TRIM24: variants seen among roughly 807,000 people sequenced by gnomAD.
TRIM24 encodes the protein transcription intermediary factor 1-alpha.
TRIM24 carries 29 observed loss-of-function variants against 123.9 expected under a neutral mutation model. That is an observed-to-expected ratio of 0.23 (90% CI 0.17 to 0.32). TRIM24 has a LOEUF of 0.32. Ranked by LOEUF, TRIM24 falls within the 10% of genes least tolerant of loss-of-function variation. The pLI is 1.00. For synonymous variants in TRIM24, 456 were observed against 461.1 expected (o/e 0.99, Z 0.14); for missense variants, 932 against 1,295.3 (o/e 0.72, Z 4.31).
At chr7:138,531,788 G>A (rs180822318) in intron 6 of TRIM24, among the ~76,000 whole-genome samples, 534 of 152,280 alleles carry the variant, frequency 3.5e-3, no homozygotes, top group African/African-American at 0.012. Flanking sequence ...TTGAGGAATC[G>A]CCACGCTGTC....
chr7:138,515,976 A>G (rs765658737), intron 3 of TRIM24, among the ~76,000 whole-genome samples: 10 of 152,112 alleles, frequency 6.6e-5, no homozygotes, highest in South Asian at 4.1e-4. Flanking sequence ...TATCACCCCA[A>G]TCAGCATCTT....
intron 1 of TRIM24, among the ~76,000 whole-genome samples, chr7:138,482,148 A>G (rs145421731): frequency 7.9e-5 from 12 of 152,100 alleles, no homozygotes; most frequent in African/African-American, 2.2e-4. Flanking sequence ...GGGTCTTGCT[A>G]TGTTGCCCAA....
intron 5 of TRIM24, among the ~76,000 whole-genome samples, chr7:138,527,629 T>G (rs892650404): frequency 6.6e-6 from 1 of 152,186 alleles, no homozygotes; most frequent in Non-Finnish European, 1.5e-5. Flanking sequence ...CTCTGCCAGT[T>G]TGGTCTTGAG....
rs1421076287 is a variant in TRIM24 at position 138,515,313 on chromosome 7, G to A, written c.585G>A (p.Lys195=). The A allele has an allele frequency of 6.2e-7, 1 of 1,613,978 alleles. No homozygotes were observed. The highest frequency in any genetic ancestry group is 1.3e-5 in the African/African-American group (1 of 74,940). Residue 195 remains lysine, a synonymous_variant, in exon 3 of 19, where the codon AAG becomes AAA. Coordinates refer to ENST00000343526, the MANE Select transcript of TRIM24 (RefSeq NM_015905.3). The part of the protein sequence containing the change: ...KTCIRAHQRV[K]FTKDHTVRQK... ...GTATCAGAGCTCATCAGAGGGTAAA[G>A]TTCACAAAAGACCACACTGTCAGAC...
intron 11 of TRIM24, among the ~76,000 whole-genome samples, chr7:138,572,947 G>A (rs189032148): frequency 8.1e-4 from 123 of 152,334 alleles, no homozygotes; most frequent in Non-Finnish European, 1.4e-3. Context: ...CAACAGTAAT[G>A]TATTCAGTGA....
intron 6 of TRIM24, among the ~76,000 whole-genome samples, chr7:138,536,238 G>T (rs891548331): frequency 6.6e-6 from 1 of 152,188 alleles, no homozygotes; most frequent in African/African-American, 2.4e-5. Flanking sequence ...TCTCTGTCCA[G>T]CTTTGTTCCG....
intron 1 of TRIM24, among the ~76,000 whole-genome samples, chr7:138,480,016 G>A (rs1314617839): frequency 6.8e-6 from 1 of 147,850 alleles, no homozygotes; most frequent in Non-Finnish European, 1.5e-5. Context: ...ACAGGGTTTC[G>A]CCATGTTGGC....
intron 6 of TRIM24, among the ~76,000 whole-genome samples, chr7:138,536,705 A>T (rs927192243): frequency 2.6e-5 from 4 of 152,146 alleles, no homozygotes; most frequent in Non-Finnish European, 5.9e-5. Flanking sequence ...TGAGATCTCA[A>T]ACTCCGTGCT....
intron 1 of TRIM24, among the ~76,000 whole-genome samples, chr7:138,494,650 T>C (rs1196145742): frequency 6.6e-6 from 1 of 152,054 alleles, no homozygotes; most frequent in African/African-American, 2.4e-5. Flanking sequence ...CAACTAAAAC[T>C]ATACCAATAT....
chr7:138,462,872 A>T (rs573056987), intron 1 of TRIM24, among the ~76,000 whole-genome samples: 3,418 of 144,008 alleles, frequency 0.024, 57 homozygotes, highest in South Asian at 0.058. Context: ...TTATTTATTT[A>T]TTTATTTTTT....
At chr7:138,507,752 A>G (rs1796181982) in intron 2 of TRIM24, among the ~76,000 whole-genome samples, 2 of 152,162 alleles carry the variant, frequency 1.3e-5, no homozygotes, top group South Asian at 4.1e-4. Context: ...CTGAGCGAAT[A>G]AATGAATGAA....
At chr7:138,527,179 C>T (rs897676816) in intron 5 of TRIM24, among the ~76,000 whole-genome samples, 1 of 152,068 alleles carries the variant, frequency 6.6e-6, no homozygotes, top group African/African-American at 2.4e-5. Context: ...TTTCTCATTG[C>T]TAGTACTTCA....
chr7:138,514,348 TG>T (rs1397438333), intron 2 of TRIM24: 1 of 152,226 alleles, frequency 6.6e-6, no homozygotes, highest in East Asian at 1.9e-4. Flanking sequence ...AATGCAAATC[TG>T]GCCGTGTCAC....
At chr7:138,568,477 TC>T (rs1183967927) in intron 10 of TRIM24, among the ~76,000 whole-genome samples, 5 of 144,858 alleles carry the variant, frequency 3.5e-5, no homozygotes, top group African/African-American at 1.0e-4. Context: ...ACCTCTGCCT[TC>T]CGGGTTCAAG....
At chr7:138,469,138 A>G (rs1364016352) in intron 1 of TRIM24, among the ~76,000 whole-genome samples, 1 of 152,198 alleles carries the variant, frequency 6.6e-6, no homozygotes, top group African/African-American at 2.4e-5. Context: ...CCTGGTGGAA[A>G]ACTGATGTCA....
At chr7:138,578,254 G>C (rs945831394) in intron 14 of TRIM24, among the ~76,000 whole-genome samples, 2 of 152,020 alleles carry the variant, frequency 1.3e-5, no homozygotes, top group Non-Finnish European at 2.9e-5. Context: ...CATTTTGTGG[G>C]TCTGCAGTGA....
At chr7:138,530,269 A>G (rs1413566869) in intron 6 of TRIM24, among the ~76,000 whole-genome samples, 1 of 152,066 alleles carries the variant, frequency 6.6e-6, no homozygotes, top group Non-Finnish European at 1.5e-5. Flanking sequence ...AGTTTCCAAA[A>G]CTGCTTAAAA....
At chr7:138,531,254 T>C (rs940791746) in intron 6 of TRIM24, among the ~76,000 whole-genome samples, 2 of 151,658 alleles carry the variant, frequency 1.3e-5, no homozygotes, top group African/African-American at 2.4e-5. Context: ...ACATGTTACA[T>C]ATGTTACATA....
At chr7:138,493,562 G>A (rs554631426) in intron 1 of TRIM24, among the ~76,000 whole-genome samples, 3 of 152,250 alleles carry the variant, frequency 2.0e-5, no homozygotes, top group East Asian at 1.9e-4. Flanking sequence ...TAAAAATAGT[G>A]TGTAATCCTT....
Sources: allele counts gnomAD v4.1 joint callset (sites outside exome capture counted in the v4.1 genomes callset), GRCh38; gene constraint gnomAD v4.1.1; transcripts MANE v1.5; gene names NCBI Gene and HGNC (gene_info 2026-07-23, HGNC 2026-07-21).